Variants in LDHB observed in about 807,000 individuals in gnomAD.
The protein encoded by LDHB is L-lactate dehydrogenase B chain.
In LDHB, 18 loss-of-function variants were observed where a neutral mutation model predicts 33.4. The ratio of observed to expected loss-of-function variants is 0.54; its 90% CI spans 0.37 to 0.80. The LOEUF (loss-of-function observed/expected upper bound fraction) is 0.80, where lower values mean the gene tolerates loss of function less well. Among genes scored for constraint, LDHB ranks in the 30% least tolerant of loss-of-function variants. The pLI is 0.00. For missense variants in LDHB, 345 were observed against 407.9 expected (o/e 0.85, Z 1.33); for synonymous variants, 121 against 140.6 (o/e 0.86, Z 0.98).
chr12:21,639,137 C>T (rs1050372714), intron 5 of LDHB, among the ~76,000 whole-genome samples: 19 of 151,774 alleles, frequency 1.3e-4, no homozygotes, highest in Non-Finnish European at 1.9e-4. Flanking sequence ...CTATTTAAAG[C>T]CAAATAAGAT....
intron 2 of LDHB, among the ~76,000 whole-genome samples, chr12:21,650,145 C>T (rs752925891): frequency 0.79 from 115,039 of 145,786 alleles, 46,433 homozygotes; most frequent in East Asian, 0.92. Flanking sequence ...CACACACACA[C>T]ACACACGTCT....
At chr12:21,648,528 G>A (rs902752251) in intron 2 of LDHB, among the ~76,000 whole-genome samples, 3 of 31,292 alleles carry the variant, frequency 9.6e-5, no homozygotes, top group African/African-American at 1.6e-4. Context: ...CAGGTGAAGG[G>A]TATTAATGGG....
At chr12:21,653,274 T>C (rs963693298) in intron 2 of LDHB, among the ~76,000 whole-genome samples, 10 of 152,294 alleles carry the variant, frequency 6.6e-5, no homozygotes, top group Non-Finnish European at 1.2e-4. Flanking sequence ...ATAATTGCAC[T>C]GATGATCTCA....
intron 2 of LDHB, among the ~76,000 whole-genome samples, chr12:21,654,171 C>T (rs1256130769): frequency 3.3e-5 from 5 of 152,120 alleles, no homozygotes; most frequent in Admixed American, 2.6e-4. Context: ...AGTAACAGTT[C>T]CAGCTTAAAG....
chr12:21,649,004 A>G (rs533955647), intron 2 of LDHB, among the ~76,000 whole-genome samples: 1 of 152,344 alleles, frequency 6.6e-6, no homozygotes, highest in Middle Eastern at 3.4e-3. Flanking sequence ...TGACACCTTT[A>G]AGGCTGCTTT....
intron 2 of LDHB, 113 bp downstream of exon 2, chr12:21,654,430 T>C: frequency 1.0e-6 from 1 of 1,001,820 alleles, no homozygotes; most frequent in Non-Finnish European, 1.6e-6. Context: ...CAACTTCAAA[T>C]TGCTCAGGAA....
intron 6 of LDHB, among the ~76,000 whole-genome samples, chr12:21,638,126 C>T (rs964318596): frequency 1.3e-5 from 2 of 151,966 alleles, no homozygotes; most frequent in African/African-American, 4.8e-5. Flanking sequence ...ACATTTTGCT[C>T]CTGTTACCTC....
At position 21,641,938 on chromosome 12, in the gene LDHB, T is replaced by C. The variant is rs199745238; in HGVS notation, c.595+14A>G. 1.2e-4 allele frequency: 200 copies of C among 1,602,448 alleles called. No homozygotes were observed. The highest frequency in any genetic ancestry group is 4.6e-4 in the Admixed American group (27 of 58,578). On this transcript the variant is annotated intron_variant, in intron 5 of 7. Coordinates refer to ENST00000350669, the MANE Select transcript of LDHB (RefSeq NM_002300.8). Reference sequence around the variant, plus strand: ...CCAACATCACAAGTAATTATTTCTTTTTTTTTTCTTTACCACTTGAGTCGC... The same window carrying C: ...CCAACATCACAAGTAATTATTTCTTCTTTTTTTCTTTACCACTTGAGTCGC...
intron 7 of LDHB, 22 bp downstream of exon 7, chr12:21,637,049 A>G: frequency 6.4e-7 from 1 of 1,574,138 alleles, no homozygotes; most frequent in Middle Eastern, 2.2e-4. Context: ...ATCATATTAC[A>G]TTTTGTGGTA....
At chr12:21,644,453 A>AAAAAAAAAAAAAAAAAAAAAAAAACC (rs371337937) in intron 3 of LDHB, among the ~76,000 whole-genome samples, 1 of 113,162 alleles carries the variant, frequency 8.8e-6, no homozygotes, top group African/African-American at 3.3e-5. Context: ...AAACAAAAAC[A>AAAAAAAAAAAAAAAAAAAAAAAAACC]AAAACCAATT....
At chr12:21,648,009 C>T (rs1238882655) in intron 2 of LDHB, among the ~76,000 whole-genome samples, 1 of 143,002 alleles carries the variant, frequency 7.0e-6, no homozygotes, top group Admixed American at 7.3e-5. Context: ...TTTAAATTTT[C>T]TCAATATCTA....
At position 21,644,100 on chromosome 12, in the gene LDHB, C is replaced by G; in HGVS notation, c.256G>C (p.Val86Leu). Residue 86 changes from valine (V) to leucine (L), a missense_variant, in exon 4 of 8, where the codon GTG becomes CTG. Transcript: ENST00000350669. ...ACTACAATCTTAGAATTGGCAGTCA[C>G]AGAATAATCTTTAAAAAGAAAAGCA... ...PKIVADKDYS[V>L]TANSKIVVVT... The G allele has an allele frequency of 1.9e-6, 3 of 1,611,196 alleles. No individual in the cohort carries two copies. Among genetic ancestry groups the G allele is most frequent in the Non-Finnish European group, 2.5e-6 (3 of 1,177,500 alleles).
At chr12:21,656,317 G>C (rs191303726) in intron 1 of LDHB, among the ~76,000 whole-genome samples, 10 of 152,264 alleles carry the variant, frequency 6.6e-5, no homozygotes, top group Admixed American at 3.9e-4. Context: ...TTTCCTAGTG[G>C]ACGTTAAAGA....
intron 2 of LDHB, among the ~76,000 whole-genome samples, chr12:21,650,267 T>A (rs1938651203): frequency 6.6e-6 from 1 of 152,150 alleles, no homozygotes; most frequent in South Asian, 2.1e-4. Context: ...TTGTGTTTCT[T>A]CCCCTCTGAA....
chr12:21,654,230 A>G (rs1253763204), intron 2 of LDHB: 3 of 349,230 alleles, frequency 8.6e-6, no homozygotes, highest in African/African-American at 6.3e-5. Flanking sequence ...ACTGAGGTGA[A>G]AATAGCTATA....
At chr12:21,640,439 C>A (rs1938343851) in intron 5 of LDHB, among the ~76,000 whole-genome samples, 1 of 151,476 alleles carries the variant, frequency 6.6e-6, no homozygotes, top group East Asian at 1.9e-4. Context: ...CCTAAAGAAA[C>A]TATTTAGTTT....
chr12:21,654,418 T>C (rs889643705), intron 2 of LDHB, 125 bp downstream of exon 2: 2 of 878,114 alleles, frequency 2.3e-6, no homozygotes, highest in Non-Finnish European at 3.7e-6. Flanking sequence ...GGATTACATC[T>C]ACAACTTCAA....
intron 7 of LDHB, 36 bp from the exon 8 acceptor site, chr12:21,635,745 A>G: frequency 1.9e-6 from 3 of 1,596,696 alleles, no homozygotes; most frequent in East Asian, 4.5e-5. Flanking sequence ...TTAAGACATG[A>G]AACTGTAAGT....
rs1187392161 is a variant in LDHB at position 21,638,468 on chromosome 12, C to A, written c.598G>T (p.Ala200Ser). The change falls in exon 6 of 8, where the codon GCT (alanine) becomes TCT (serine). Residue 200 changes from alanine to serine, a missense_variant and splice_region_variant. Ala to Ser is a moderately conservative substitution (Grantham distance 99, BLOSUM62 1). Transcript: ENST00000350669. ...GCCACATTCACACCACTCCACACAG[C>A]CACTGTTTAAAAAAAAAAAAAAAGA... The part of the protein sequence containing the change: ...ILGEHGDSSV[A>S]VWSGVNVAGV... 2.0e-6 allele frequency: 3 copies of A among 1,481,714 alleles called. No homozygotes were observed. Among genetic ancestry groups the A allele is most frequent in the Admixed American group, 2.1e-5 (1 of 48,134 alleles). 91.8% of individuals were successfully genotyped at this position (1,481,714 alleles called of 1,614,324 possible).
Sources: allele counts gnomAD v4.1 joint callset (sites outside exome capture counted in the v4.1 genomes callset), GRCh38; gene constraint gnomAD v4.1.1; transcripts MANE v1.5; gene names NCBI Gene and HGNC (gene_info 2026-07-23, HGNC 2026-07-21).